Variants in SMYD3 observed in about 807,000 individuals in gnomAD.
The protein encoded by SMYD3 is histone-lysine N-methyltransferase SMYD3.
In SMYD3, 36 loss-of-function variants were observed where a neutral mutation model predicts 57.7. That is an observed-to-expected ratio of 0.62 (90% CI 0.48 to 0.82). The LOEUF is 0.82. Ranked by LOEUF, SMYD3 falls within the 40% of genes least tolerant of loss-of-function variation. SMYD3 has a pLI of 0.00. For missense variants in SMYD3, 515 were observed against 538.8 expected, an observed-to-expected ratio of 0.96 and a Z score of 0.44; for synonymous variants, 211 against 195.0, an observed-to-expected ratio of 1.08 and a Z score of -0.68.
intron 5 of SMYD3, among the ~76,000 whole-genome samples, chr1:246,197,454 C>T (rs1417673359): frequency 6.6e-6 from 1 of 151,776 alleles, no homozygotes; most frequent in Admixed American, 6.6e-5. Flanking sequence ...GGTCTTCCTC[C>T]CCAAAATCCG....
intron 5 of SMYD3, among the ~76,000 whole-genome samples, chr1:245,968,729 T>C (rs6666343): frequency 0.6 from 90,673 of 152,070 alleles, 30,119 homozygotes; most frequent in East Asian, 0.95. Flanking sequence ...GTACCTGTGT[T>C]GCAAGTGTGG....
At chr1:246,320,019 C>T (rs1354818144) in intron 5 of SMYD3, among the ~76,000 whole-genome samples, 28 of 152,094 alleles carry the variant, frequency 1.8e-4, no homozygotes, top group Non-Finnish European at 1.5e-5. Context: ...AGCATGTAAT[C>T]TTGAATATAG....
intron 5 of SMYD3, among the ~76,000 whole-genome samples, chr1:246,322,686 C>A (rs1173396472): frequency 6.6e-6 from 1 of 152,094 alleles, no homozygotes; most frequent in Non-Finnish European, 1.5e-5. Flanking sequence ...CTCCGTTCAG[C>A]CACACACTCC....
intron 1 of SMYD3, among the ~76,000 whole-genome samples, chr1:246,378,315 G>T (rs1028670827): frequency 2.0e-5 from 3 of 152,118 alleles, no homozygotes; most frequent in Non-Finnish European, 4.4e-5. Flanking sequence ...TTGATCCTGG[G>T]TGTGTCTGTG....
At chr1:246,386,081 G>A (rs545592006) in intron 1 of SMYD3, among the ~76,000 whole-genome samples, 1 of 152,038 alleles carries the variant, frequency 6.6e-6, no homozygotes, top group Non-Finnish European at 1.5e-5. Flanking sequence ...GTAGAGACAG[G>A]GTTTCACCGT....
At chr1:245,907,232 A>G (rs1285647839) in intron 8 of SMYD3, among the ~76,000 whole-genome samples, 1 of 152,236 alleles carries the variant, frequency 6.6e-6, no homozygotes, top group Non-Finnish European at 1.5e-5. Flanking sequence ...GATCGTTTGT[A>G]ACTCAAAGGA....
chr1:245,830,931 G>C (rs1342157210), intron 10 of SMYD3, among the ~76,000 whole-genome samples: 4 of 152,172 alleles, frequency 2.6e-5, no homozygotes, highest in Admixed American at 6.5e-5. Flanking sequence ...TTCTTGGTGG[G>C]TGGCCTCTTG....
At chr1:245,751,459 T>C (rs1214273889) in intron 11 of SMYD3, among the ~76,000 whole-genome samples, 1 of 152,084 alleles carries the variant, frequency 6.6e-6, no homozygotes. Flanking sequence ...TTTCACCTCT[T>C]GAATGTTCCC....
intron 5 of SMYD3, among the ~76,000 whole-genome samples, chr1:246,194,402 G>A (rs1470027482): frequency 1.3e-5 from 2 of 152,082 alleles, no homozygotes; most frequent in African/African-American, 2.4e-5. Context: ...CCGAGTAGCT[G>A]GGACTACGGG....
intron 10 of SMYD3, among the ~76,000 whole-genome samples, chr1:245,768,221 A>T (rs2046196644): frequency 6.6e-6 from 1 of 152,192 alleles, no homozygotes; most frequent in Admixed American, 6.5e-5. Context: ...CTAGATTGGA[A>T]AAAAATGTTT....
chr1:245,793,266 G>A (rs1021498546), intron 10 of SMYD3, among the ~76,000 whole-genome samples: 8 of 151,484 alleles, frequency 5.3e-5, no homozygotes, highest in South Asian at 2.1e-4. Flanking sequence ...CCGAGATCGT[G>A]CCACTGCACT....
chr1:246,020,173 C>T (rs920292919), intron 5 of SMYD3, among the ~76,000 whole-genome samples: 3 of 152,222 alleles, frequency 2.0e-5, no homozygotes, highest in African/African-American at 7.2e-5. Context: ...TGCACAAGAA[C>T]ACAGCAGACT....
chr1:246,183,900 T>C (rs1242284956), intron 5 of SMYD3, among the ~76,000 whole-genome samples: 1 of 152,220 alleles, frequency 6.6e-6, no homozygotes, highest in Non-Finnish European at 1.5e-5. Context: ...ACCTTCATCA[T>C]AGAAAGGTAT....
At chr1:246,412,313 T>C (rs1048536616) in intron 1 of SMYD3, among the ~76,000 whole-genome samples, 1 of 152,244 alleles carries the variant, frequency 6.6e-6, no homozygotes, top group African/African-American at 2.4e-5. Flanking sequence ...CTAGCTGGCA[T>C]ATCTTTACTT....
At chr1:246,392,400 G>A (rs970345390) in intron 1 of SMYD3, among the ~76,000 whole-genome samples, 2 of 152,118 alleles carry the variant, frequency 1.3e-5, no homozygotes, top group African/African-American at 4.8e-5. Context: ...ACTGTGCTAA[G>A]TATTTCACAT....
chr1:246,205,408 C>T (rs1363552370), intron 5 of SMYD3, among the ~76,000 whole-genome samples: 1 of 152,180 alleles, frequency 6.6e-6, no homozygotes, highest in Non-Finnish European at 1.5e-5. Flanking sequence ...TACAGTCATG[C>T]GCAGTCTAGC....
intron 3 of SMYD3, among the ~76,000 whole-genome samples, chr1:246,333,747 G>A (rs563894682): frequency 1.3e-5 from 2 of 152,102 alleles, no homozygotes; most frequent in East Asian, 3.9e-4. Context: ...CTAGCGGGGC[G>A]TGGTGGCATG....
intron 8 of SMYD3, among the ~76,000 whole-genome samples, chr1:245,864,182 G>A (rs2051701571): frequency 6.6e-6 from 1 of 152,140 alleles, no homozygotes; most frequent in Non-Finnish European, 1.5e-5. Flanking sequence ...AAAACACTCT[G>A]GAAGTTCCTC....
At chr1:245,791,997 G>A (rs926508689) in intron 10 of SMYD3, among the ~76,000 whole-genome samples, 5 of 136,646 alleles carry the variant, frequency 3.7e-5, no homozygotes, top group South Asian at 2.5e-4. Flanking sequence ...AGCGGTATAC[G>A]TATTCCCAAA....
Sources: allele counts gnomAD v4.1 joint callset (sites outside exome capture counted in the v4.1 genomes callset), GRCh38; gene constraint gnomAD v4.1.1; transcripts MANE v1.5; gene names NCBI Gene and HGNC (gene_info 2026-07-23, HGNC 2026-07-21).